The following CAMK2B variants were observed in gnomAD, a reference collection of about 807,000 sequenced individuals.
CAMK2B encodes the protein calcium/calmodulin-dependent protein kinase type II subunit beta.
A neutral mutation model predicts 93.7 loss-of-function variants in CAMK2B; 27 were observed. The ratio of observed to expected loss-of-function variants is 0.29; its 90% CI spans 0.21 to 0.40. CAMK2B has a LOEUF of 0.40. Ranked by LOEUF, CAMK2B falls within the 10% of genes least tolerant of loss-of-function variation. The probability of loss-of-function intolerance (pLI) is 1.00; values close to 1 mark genes in which losing one functional copy is unlikely to be tolerated. For synonymous variants in CAMK2B, 374 were observed against 358.8 expected, an observed-to-expected ratio of 1.04 and a Z score of -0.48; for missense variants, 568 against 895.8, an observed-to-expected ratio of 0.63 and a Z score of 4.67.
intron 5 of CAMK2B, among the ~76,000 whole-genome samples, chr7:44,247,755 C>T (rs1309794569): frequency 2.0e-5 from 3 of 152,202 alleles, no homozygotes; most frequent in Non-Finnish European, 4.4e-5. Flanking sequence ...TGCCTGGGCG[C>T]GGTGGTTCAT....
At chr7:44,298,160 A>G (rs1788825697) in intron 1 of CAMK2B, among the ~76,000 whole-genome samples, 1 of 152,156 alleles carries the variant, frequency 6.6e-6, no homozygotes, top group Admixed American at 6.5e-5. Context: ...ATACAAAACA[A>G]TAATCAAAAT....
intron 5 of CAMK2B, 66 bp downstream of exon 5, chr7:44,254,476 G>T: frequency 8.6e-7 from 1 of 1,159,366 alleles, no homozygotes; most frequent in South Asian, 1.2e-5. Flanking sequence ...AGCAGGAGTG[G>T]GTGAAGGAGG....
intron 1 of CAMK2B, among the ~76,000 whole-genome samples, chr7:44,296,633 G>A (rs751450202): frequency 1.6e-4 from 25 of 151,976 alleles, no homozygotes; most frequent in Non-Finnish European, 2.4e-4. Flanking sequence ...ATATCGGGTC[G>A]TATCACATTC....
chr7:44,228,072 C>T (rs2096536771), intron 19 of CAMK2B, among the ~76,000 whole-genome samples: 1 of 151,700 alleles, frequency 6.6e-6, no homozygotes. Context: ...GCTGAAGCTG[C>T]TGGGGGCAGA....
At position 44,239,623 on chromosome 7, in the gene CAMK2B, C is replaced by G; in HGVS notation, c.987G>C (p.Ala329=). 3 of 1,545,398 alleles carry G rather than the reference C, an allele frequency of 1.9e-6. No individual in the cohort carries two copies. The highest frequency in any genetic ancestry group is 2.6e-6 in the Non-Finnish European group (3 of 1,144,116). The change falls in exon 13 of 24, where the codon GCG becomes GCC. Residue 329 remains alanine, a synonymous_variant. Transcript: ENST00000395749. ...CCAGCCCCATGGTGGTGCCGGAGGC[C>G]GCGGTGGACATTGTGGCCGGAGCGG... ...QTTAPATMST[A]ASGTTMGLVE...
At position 44,280,826 on chromosome 7, in the gene CAMK2B, G is replaced by A. The variant is rs144360705; in HGVS notation, c.160+3305C>T. Among the ~76,000 whole-genome samples, 26 of 152,254 alleles carry A rather than the reference G, an allele frequency of 1.7e-4. No homozygotes were observed. In the East Asian group the frequency reaches 3.3e-3, roughly 19 times the overall value. On this transcript the variant is annotated intron_variant, in intron 2 of 23. Transcript: ENST00000395749. Reference sequence around the variant, plus strand: ...GCACAAGACAGGTCACAGCGGCAGCGCAACTCCACTTTCAGGCTCAGACAC... The same window carrying A: ...GCACAAGACAGGTCACAGCGGCAGCACAACTCCACTTTCAGGCTCAGACAC...
chr7:44,229,523 AG>A, intron 17 of CAMK2B, 22 bp from the exon 18 acceptor site: 4 of 1,250,924 alleles, frequency 3.2e-6, no homozygotes, highest in Non-Finnish European at 4.2e-6. Context: ...CAGGTGAGGC[AG>A]GCAGGTGGGT....
chr7:44,314,389 C>A (rs549703847), intron 1 of CAMK2B, among the ~76,000 whole-genome samples: 1 of 152,246 alleles, frequency 6.6e-6, no homozygotes, highest in Non-Finnish European at 1.5e-5. Context: ...CCTTTTGCGA[C>A]TGGCTTCTTG....
At position 44,286,042 on chromosome 7, in the gene CAMK2B, A is replaced by T. The variant is rs1314783050; in HGVS notation, c.66-1817T>A. Among the ~76,000 whole-genome samples the T allele has an allele frequency of 6.6e-6, 1 of 152,096 alleles. No individual in the cohort carries two copies. Among genetic ancestry groups the T allele is most frequent in the African/African-American group, 2.4e-5 (1 of 41,408 alleles). ...CATATGACATTAACTTGGGAGACTG[A>T]GGTGAGGGCAAAGACCATGGGCTTT... On this transcript the variant is annotated intron_variant, in intron 1 of 23. Coordinates refer to ENST00000395749, the MANE Select transcript of CAMK2B (RefSeq NM_001220.5). The surrounding 1 kb of genome is among the most constrained non-coding windows in gnomAD (Gnocchi z 4.0).
chr7:44,304,952 T>C (rs1315136381), intron 1 of CAMK2B, among the ~76,000 whole-genome samples: 1 of 150,732 alleles, frequency 6.6e-6, no homozygotes, highest in Non-Finnish European at 1.5e-5. Flanking sequence ...AAAAATTGTA[T>C]CTTTAAAACA....
chr7:44,304,520 T>C (rs1584806529), intron 1 of CAMK2B, among the ~76,000 whole-genome samples: 1 of 152,324 alleles, frequency 6.6e-6, no homozygotes, highest in Middle Eastern at 3.4e-3. Flanking sequence ...GGCCACATAC[T>C]GTGTGAGTCC....
chr7:44,284,231 G>A lies in CAMK2B; in HGVS notation c.66-6C>T. 1 of 1,602,378 alleles carries A rather than the reference G, an allele frequency of 6.2e-7. No individual in the cohort carries two copies. The highest frequency in any genetic ancestry group is 1.1e-5 in the South Asian group (1 of 90,610). On this transcript the variant is annotated splice_region_variant and splice_polypyrimidine_tract_variant and intron_variant, in intron 1 of 23. Coordinates refer to ENST00000395749, the MANE Select transcript of CAMK2B (RefSeq NM_001220.5). Reference sequence around the variant, plus strand: ...GGACCACAGAGAAAGCCCCCCTGGGGAGGAAAATGGGGGAGCGAGAGACAG... The same window carrying A: ...GGACCACAGAGAAAGCCCCCCTGGGAAGGAAAATGGGGGAGCGAGAGACAG...
chr7:44,270,498 G>A (rs193269274), intron 2 of CAMK2B, among the ~76,000 whole-genome samples: 278 of 152,340 alleles, frequency 1.8e-3, no homozygotes, highest in Middle Eastern at 3.4e-3. Flanking sequence ...CCAAGCCTGA[G>A]GCTGTCTGGC....
chr7:44,306,733 G>A (rs1034906036), intron 1 of CAMK2B, among the ~76,000 whole-genome samples: 35 of 151,100 alleles, frequency 2.3e-4, no homozygotes, highest in African/African-American at 8.3e-4. Flanking sequence ...AGGAGGGTGT[G>A]GGCAGGAGGA....
chr7:44,308,988 T>A (rs1792721422), intron 1 of CAMK2B, among the ~76,000 whole-genome samples: 2 of 152,164 alleles, frequency 1.3e-5, no homozygotes, highest in Non-Finnish European at 2.9e-5. Context: ...TGGCTTGGCT[T>A]AGCCCTGTCA....
At chr7:44,251,125 C>G (rs1009525908) in intron 5 of CAMK2B, among the ~76,000 whole-genome samples, 2 of 152,106 alleles carry the variant, frequency 1.3e-5, no homozygotes, top group Non-Finnish European at 2.9e-5. Context: ...TACACTTGCC[C>G]TGGCTGCGTC....
chr7:44,291,299 C>G (rs1786761186), intron 1 of CAMK2B, among the ~76,000 whole-genome samples: 1 of 152,170 alleles, frequency 6.6e-6, no homozygotes, highest in Non-Finnish European at 1.5e-5. Flanking sequence ...CCCCGCCAGG[C>G]AGGAGCTGGA....
intron 20 of CAMK2B, 34 bp from the exon 21 acceptor site, chr7:44,220,935 G>C (rs373371104): frequency 6.5e-7 from 1 of 1,527,608 alleles, no homozygotes; most frequent in Admixed American, 2.0e-5. Flanking sequence ...ACCACTGGGC[G>C]CTGGCCCATT....
intron 23 of CAMK2B, 179 bp from the exon 24 acceptor site, chr7:44,219,701 C>A (rs973465249): frequency 4.0e-5 from 13 of 322,152 alleles, no homozygotes; most frequent in Non-Finnish European, 6.8e-5. Flanking sequence ...GGGCTCTGGG[C>A]CCGCTGCACC....
Sources: allele counts gnomAD v4.1 joint callset (sites outside exome capture counted in the v4.1 genomes callset), GRCh38; gene constraint gnomAD v4.1.1; non-coding constraint Gnocchi (gnomAD v3.1); transcripts MANE v1.5; gene names NCBI Gene and HGNC (gene_info 2026-07-23, HGNC 2026-07-21).